The following CAPG variants were observed in gnomAD, a reference collection of about 807,000 sequenced individuals.
The protein encoded by CAPG is capping actin protein, gelsolin like.
CAPG carries 32 observed loss-of-function variants against 44.6 expected under a neutral mutation model. The observed-to-expected ratio is 0.72, with a 90% CI of 0.54 to 0.96. The LOEUF (loss-of-function observed/expected upper bound fraction) is 0.96, where lower values mean the gene tolerates loss of function less well. Ranked by LOEUF, CAPG falls within the 50% of genes least tolerant of loss-of-function variation. The pLI is 0.00. For synonymous variants in CAPG, 175 were observed against 179.6 expected, an observed-to-expected ratio of 0.97 and a Z score of 0.20; for missense variants, 412 against 438.3, an observed-to-expected ratio of 0.94 and a Z score of 0.54.
At chr2:85,414,297 CCTA>C (rs953017795), upstream of CAPG, among the ~76,000 whole-genome samples, 6 of 152,176 alleles carry the variant, frequency 3.9e-5, no homozygotes, top group South Asian at 2.1e-4. Flanking sequence ...TCTGTGAGAG[CCTA>C]CTATGTGCTT....
chr2:85,412,533 A>G (rs1687446579), upstream of CAPG, among the ~76,000 whole-genome samples: 2 of 152,072 alleles, frequency 1.3e-5, no homozygotes, highest in South Asian at 2.1e-4. Flanking sequence ...AATAATAACA[A>G]TAATAATAGG....
chr2:85,394,598 C>T (rs1254969793), downstream of CAPG: 4 of 479,964 alleles, frequency 8.3e-6, no homozygotes, highest in East Asian at 1.2e-4. Context: ...TCATGGCAGT[C>T]CCTGCAAGCC....
rs1210816952 is a variant in CAPG, at chr2:85,402,290, T to C, written c.-13-132A>G. On this transcript the variant is annotated intron_variant, in intron 1 of 9. Transcript: ENST00000263867. ...ACTACTCCACCTCTAGGAGCCCTAG[T>C]TCCATTATGCAGACAAAGAAAATGA... 8.7e-6 allele frequency: 6 copies of C among 688,974 alleles called. No individual in the cohort carries two copies. In the Admixed American group the frequency reaches 1.5e-4, roughly 18 times the overall value. 42.7% of individuals were successfully genotyped at this position (688,974 alleles called of 1,614,324 possible).
chr2:85,401,110 G>A (rs887640698), intron 5 of CAPG, 55 bp downstream of exon 5: 19 of 1,545,348 alleles, frequency 1.2e-5, no homozygotes, highest in South Asian at 3.5e-5. Flanking sequence ...CTGCCCCTCC[G>A]TCCTTATAAA....
chr2:85,416,601 C>A (rs924542472), intron 1 of CAPG, among the ~76,000 whole-genome samples: 9 of 152,194 alleles, frequency 5.9e-5, no homozygotes, highest in Admixed American at 1.3e-4. Flanking sequence ...AACCTTCCCC[C>A]CCGCCGGTTC....
At chr2:85,400,710 C>T (rs1174940529) in intron 5 of CAPG, among the ~76,000 whole-genome samples, 1 of 152,030 alleles carries the variant, frequency 6.6e-6, no homozygotes, top group Admixed American at 6.5e-5. Context: ...CTAGAGGGCC[C>T]CTCCCTGCCC....
At position 85,394,976 on chromosome 2, in the gene CAPG, G is replaced by T; in HGVS notation, c.982-18C>A. 3 of 1,591,122 alleles carry T rather than the reference G, an allele frequency of 1.9e-6. No individual in the cohort carries two copies. The highest frequency in any genetic ancestry group is 2.6e-6 in the Non-Finnish European group (3 of 1,159,014). On this transcript the variant is annotated intron_variant, in intron 9 of 9. Transcript: ENST00000263867. ...ATCTCCACCTGCAGGGACAGCGGGG[G>T]AGAAGTCTGGTTCACAAAGTTGCCA...
At chr2:85,418,675 C>G (rs1262185222), upstream of CAPG, 1 of 146,114 alleles carries the variant, frequency 6.8e-6, no homozygotes, top group Middle Eastern at 3.9e-3. Context: ...CCTTTTGGCC[C>G]CTCCCCTACA....
Position 85,401,943 on chromosome 2 carries a change from G to T in CAPG, c.38C>A (p.Pro13Gln). The change falls in exon 3 of 10, where the codon CCA becomes CAA. Residue 13 changes from proline to glutamine, a missense_variant. By Grantham distance (76) the Pro-to-Gln change is moderately conservative. Transcript: ENST00000263867. The part of the protein sequence containing the change: ...TAIPQSGSPF[P>Q]GSVQDPGLHV... The stretch of plus-strand genomic sequence containing the variant: ...CAGGCCTGGATCCTGCACTGAGCCT[G>T]GGAATGGAGAGCCACTGCGAGAAGA... The T allele has an allele frequency of 6.2e-7, 1 of 1,614,146 alleles. No homozygotes were observed.
chr2:85,410,856 GTTTT>G (rs1046877599), upstream of CAPG, among the ~76,000 whole-genome samples: 7 of 132,188 alleles, frequency 5.3e-5, no homozygotes, highest in South Asian at 2.3e-4. Context: ...CAGTTTTTTG[GTTTT>G]TTTTGTTTTT....
chr2:85,412,647 T>C (rs1687449198), upstream of CAPG, among the ~76,000 whole-genome samples: 1 of 152,070 alleles, frequency 6.6e-6, no homozygotes, highest in South Asian at 2.1e-4. Flanking sequence ...CAAAGCCCCA[T>C]GACACGAGTT....
downstream of CAPG, among the ~76,000 whole-genome samples, chr2:85,393,656 C>T (rs1025828122): frequency 2.6e-5 from 4 of 152,118 alleles, no homozygotes; most frequent in Admixed American, 2.6e-4. Flanking sequence ...CCTCTACCTC[C>T]CGGGTTTAAG....
chr2:85,411,971 A>G (rs1178298582), upstream of CAPG, among the ~76,000 whole-genome samples: 1 of 152,054 alleles, frequency 6.6e-6, no homozygotes, highest in Admixed American at 6.6e-5. Flanking sequence ...CTGAGGCAGA[A>G]GAATCACTTG....
intron 1 of CAPG, among the ~76,000 whole-genome samples, chr2:85,406,407 C>T (rs1386789406): frequency 1.3e-5 from 2 of 152,128 alleles, no homozygotes; most frequent in Non-Finnish European, 2.9e-5. Context: ...TTGTAAAATC[C>T]GGTTTTAGCA....
intron 1 of CAPG, among the ~76,000 whole-genome samples, chr2:85,406,093 G>A (rs2104831405): frequency 6.6e-6 from 1 of 152,132 alleles, no homozygotes; most frequent in South Asian, 2.1e-4. Context: ...CTTGAGGTCA[G>A]GAGTTCGAAA....
At chr2:85,406,037 C>T (rs1687133643) in intron 1 of CAPG, among the ~76,000 whole-genome samples, 1 of 152,128 alleles carries the variant, frequency 6.6e-6, no homozygotes, top group African/African-American at 2.4e-5. Context: ...TGCGGTGGCT[C>T]ACGCCTGTAA....
chr2:85,406,471 C>T (rs1233663183), intron 1 of CAPG, among the ~76,000 whole-genome samples: 2 of 152,136 alleles, frequency 1.3e-5, no homozygotes, highest in African/African-American at 4.8e-5. Flanking sequence ...GATATCTGGT[C>T]GATCTGATAA....
chr2:85,399,104 G>A, intron 6 of CAPG, 32 bp downstream of exon 6: 1 of 1,607,444 alleles, frequency 6.2e-7, no homozygotes, highest in African/African-American at 1.3e-5. Context: ...TCAAGCAGAG[G>A]CTCCCAGCCA....
chr2:85,410,855 GGTTTTTTTT>G (rs201528206), upstream of CAPG, among the ~76,000 whole-genome samples: 8,325 of 150,634 alleles, frequency 0.055, 251 homozygotes, highest in African/African-American at 0.066. Context: ...TCAGTTTTTT[GGTTTTTTTT>G]GTTTTTTTTT....
Sources: allele counts gnomAD v4.1 joint callset (sites outside exome capture counted in the v4.1 genomes callset), GRCh38; gene constraint gnomAD v4.1.1; transcripts MANE v1.5; gene names NCBI Gene and HGNC (gene_info 2026-07-23, HGNC 2026-07-21).